Variants in PHACTR3 observed in about 807,000 individuals in gnomAD.
PHACTR3 encodes phosphatase and actin regulator 3, also known as protein phosphatase 1, regulatory subunit 123.
In PHACTR3, 16 loss-of-function variants were observed where a neutral mutation model predicts 66.8. The observed-to-expected ratio is 0.24, with a 90% CI of 0.16 to 0.36. The LOEUF (loss-of-function observed/expected upper bound fraction) is 0.36, where lower values mean the gene tolerates loss of function less well. Ranked by LOEUF, PHACTR3 falls within the 10% of genes least tolerant of loss-of-function variation. The probability of loss-of-function intolerance (pLI) is 1.00; values close to 1 mark genes in which losing one functional copy is unlikely to be tolerated. For synonymous variants in PHACTR3, 323 were observed against 292.1 expected (o/e 1.11, Z -1.08); for missense variants, 647 against 719.9 (o/e 0.90, Z 1.16).
At chr20:59,595,737 C>G (rs1045348566) in intron 1 of PHACTR3, among the ~76,000 whole-genome samples, 9 of 152,090 alleles carry the variant, frequency 5.9e-5, no homozygotes, top group Non-Finnish European at 1.3e-4. Context: ...GAAGTTCTGT[C>G]AATTTTTACC....
chr20:59,621,434 G>T (rs1229345122), intron 1 of PHACTR3, among the ~76,000 whole-genome samples: 4 of 152,366 alleles, frequency 2.6e-5, no homozygotes, highest in Non-Finnish European at 5.9e-5. Flanking sequence ...ACATCTTGGG[G>T]ACTGTCCACA....
rs557756480 is a variant in PHACTR3 at position 59,749,928 on chromosome 20, T to A, written c.358+2093T>A. Reference sequence around the variant, plus strand: ...TTGCTCATCTCTACCTTCCATACTCTCTCTCTTGCTAAATGATTGTGGACC... The same window carrying A: ...TTGCTCATCTCTACCTTCCATACTCACTCTCTTGCTAAATGATTGTGGACC... On this transcript the variant is annotated intron_variant, in intron 3 of 12. Transcript: ENST00000371015. Among the ~76,000 whole-genome samples, 10 of 152,180 alleles carry A rather than the reference T, an allele frequency of 6.6e-5. No individual in the cohort carries two copies. The East Asian group carries it at 1.9e-3, about 29-fold the overall frequency.
intron 9 of PHACTR3, among the ~76,000 whole-genome samples, chr20:59,838,150 G>A (rs2058997224): frequency 6.6e-6 from 1 of 152,118 alleles, no homozygotes; most frequent in South Asian, 2.1e-4. Context: ...TCCTTAGCTC[G>A]GAAGCCCTCT....
At chr20:59,602,923 G>A (rs547071517), upstream of PHACTR3, among the ~76,000 whole-genome samples, 4 of 152,312 alleles carry the variant, frequency 2.6e-5, no homozygotes, top group South Asian at 2.1e-4. Context: ...GCTCTTCCAC[G>A]TGCTGGCTTG....
chr20:59,593,774 T>C (rs1365611741), intron 1 of PHACTR3, among the ~76,000 whole-genome samples: 3 of 152,248 alleles, frequency 2.0e-5, no homozygotes, highest in Non-Finnish European at 2.9e-5. Context: ...TTCTCCATTA[T>C]ATTGTCTTGG....
chr20:59,704,431 T>A (rs2037621626), intron 1 of PHACTR3, among the ~76,000 whole-genome samples: 1 of 152,174 alleles, frequency 6.6e-6, no homozygotes. Flanking sequence ...TCTCCTGGAT[T>A]ATTTTCTTCT....
chr20:59,766,158 T>G (rs1340517891), intron 4 of PHACTR3, among the ~76,000 whole-genome samples: 1 of 152,050 alleles, frequency 6.6e-6, no homozygotes, highest in Non-Finnish European at 1.5e-5. Context: ...AGCTGTGTGG[T>G]GGGAGCAGGC....
At chr20:59,811,776 C>A (rs1381336097) in intron 8 of PHACTR3, among the ~76,000 whole-genome samples, 3 of 152,178 alleles carry the variant, frequency 2.0e-5, no homozygotes, top group Non-Finnish European at 4.4e-5. Context: ...AACAGTGCAG[C>A]AAGCAGGCTA....
At chr20:59,818,144 G>C (rs2041936345) in intron 8 of PHACTR3, among the ~76,000 whole-genome samples, 1 of 152,224 alleles carries the variant, frequency 6.6e-6, no homozygotes, top group Admixed American at 6.5e-5. Flanking sequence ...AAGCCGCACA[G>C]TGCACCGCTG....
At chr20:59,727,798 T>C (rs140131136) in intron 1 of PHACTR3, among the ~76,000 whole-genome samples, 107 of 152,318 alleles carry the variant, frequency 7.0e-4, no homozygotes, top group African/African-American at 2.4e-3. Context: ...AAGTTTTGGA[T>C]GCTCAACTGG....
intron 1 of PHACTR3, among the ~76,000 whole-genome samples, chr20:59,587,627 C>T (rs915223361): frequency 1.3e-5 from 2 of 152,346 alleles, no homozygotes; most frequent in Admixed American, 1.3e-4. Flanking sequence ...GTGCTGTTTG[C>T]CAGATGCTCT....
intron 1 of PHACTR3, among the ~76,000 whole-genome samples, chr20:59,625,765 GC>G (rs2034424927): frequency 6.6e-6 from 1 of 152,152 alleles, no homozygotes; most frequent in South Asian, 2.1e-4. Context: ...TTGCGTGACA[GC>G]CCGGGGCTGT....
chr20:59,757,615 T>C (rs1243272276), intron 4 of PHACTR3, among the ~76,000 whole-genome samples: 6 of 151,890 alleles, frequency 4.0e-5, no homozygotes, highest in African/African-American at 1.5e-4. Flanking sequence ...GCAGCGTCGG[T>C]GGTGAAAGGG....
At chr20:59,819,143 T>G (rs914846004) in intron 8 of PHACTR3, among the ~76,000 whole-genome samples, 23 of 152,028 alleles carry the variant, frequency 1.5e-4, no homozygotes, top group African/African-American at 4.1e-4. Context: ...AGTGGCTCAT[T>G]CCCGCAATCC....
At chr20:59,584,312 G>A (rs1186894573) in intron 1 of PHACTR3, among the ~76,000 whole-genome samples, 1 of 151,662 alleles carries the variant, frequency 6.6e-6, no homozygotes, top group Non-Finnish European at 1.5e-5. Flanking sequence ...GTGTGACTGT[G>A]TGTGTGAGGG....
intron 1 of PHACTR3, among the ~76,000 whole-genome samples, chr20:59,731,570 T>G (rs958676006): frequency 6.6e-6 from 1 of 152,216 alleles, no homozygotes; most frequent in Non-Finnish European, 1.5e-5. Flanking sequence ...TGACCATATG[T>G]CTGGCAGGCA....
At chr20:59,684,610 T>C (rs117738045) in intron 1 of PHACTR3, among the ~76,000 whole-genome samples, 4,300 of 152,334 alleles carry the variant, frequency 0.028, 81 homozygotes, top group Middle Eastern at 0.065. Context: ...TCTCTCAGCA[T>C]GAGAAGGGAT....
At chr20:59,783,936 G>A (rs1360764392) in intron 7 of PHACTR3, among the ~76,000 whole-genome samples, 2 of 152,234 alleles carry the variant, frequency 1.3e-5, no homozygotes, top group East Asian at 3.8e-4. Flanking sequence ...CCGTCTCCCT[G>A]GGGCCTGGGC....
At chr20:59,745,059 G>C (rs1281221411) in intron 2 of PHACTR3, among the ~76,000 whole-genome samples, 2 of 152,356 alleles carry the variant, frequency 1.3e-5, no homozygotes, top group East Asian at 1.9e-4. Flanking sequence ...CAGGCCCTGG[G>C]GGGTGGAAAT....
Sources: gnomAD v4.1 joint callset for allele counts (sites outside exome capture counted in the v4.1 genomes callset) on GRCh38, gnomAD v4.1.1 for gene constraint, MANE v1.5 for transcripts, NCBI Gene and HGNC (gene_info 2026-07-23, HGNC 2026-07-21) for gene names.